GNG2: variants seen among roughly 807,000 people sequenced by gnomAD.
GNG2 encodes G protein subunit gamma 2.
GNG2 carries 5 observed loss-of-function variants against 5.5 expected under a neutral mutation model. The observed-to-expected ratio is 0.91, with a 90% CI of 0.48 to 1.92. The LOEUF is 1.92. Among genes scored for constraint, GNG2 ranks in the 30% most tolerant of loss-of-function variants. The probability of loss-of-function intolerance (pLI) is 0.01; values close to 1 mark genes in which losing one functional copy is unlikely to be tolerated. For synonymous variants in GNG2, 28 were observed against 32.0 expected (o/e 0.88, Z 0.42); for missense variants, 55 against 88.4 (o/e 0.62, Z 1.52).
chr14:51,899,497 A>G (rs1477839384), intron 2 of GNG2, among the ~76,000 whole-genome samples: 1 of 152,260 alleles, frequency 6.6e-6, no homozygotes, highest in Admixed American at 6.5e-5. Context: ...TTAAGACTAC[A>G]GTTCAGTGGC....
chr14:51,951,252 C>T (rs1370101174), intron 3 of GNG2, among the ~76,000 whole-genome samples: 1 of 152,188 alleles, frequency 6.6e-6, no homozygotes, highest in Non-Finnish European at 1.5e-5. Context: ...AAAGTCACAC[C>T]TTGCCTCCCT....
chr14:51,951,644 C>T (rs938044649), intron 3 of GNG2, among the ~76,000 whole-genome samples: 11 of 152,322 alleles, frequency 7.2e-5, no homozygotes, highest in Admixed American at 7.2e-4. Context: ...TTCCTATTTT[C>T]TCCATACCTA....
intron 2 of GNG2, among the ~76,000 whole-genome samples, chr14:51,831,728 A>G (rs1225942309): frequency 6.6e-6 from 1 of 152,228 alleles, no homozygotes; most frequent in African/African-American, 2.4e-5. Flanking sequence ...AAGCTCTACT[A>G]TAACTGAATT....
chr14:51,848,683 T>C (rs1311851217), intron 2 of GNG2, among the ~76,000 whole-genome samples: 3 of 152,156 alleles, frequency 2.0e-5, no homozygotes, highest in Non-Finnish European at 4.4e-5. Flanking sequence ...GAAGGGAGTA[T>C]TTACAGAGGT....
intron 3 of GNG2, among the ~76,000 whole-genome samples, chr14:51,955,818 AAAG>A (rs1020273946): frequency 3.9e-5 from 6 of 152,220 alleles, no homozygotes; most frequent in African/African-American, 1.4e-4. Flanking sequence ...TAACATATAA[AAAG>A]AACAGACTGA....
intron 1 of GNG2, among the ~76,000 whole-genome samples, chr14:51,876,175 G>C (rs1432731720): frequency 1.3e-5 from 2 of 152,104 alleles, no homozygotes; most frequent in African/African-American, 4.8e-5. Context: ...CTGGACACAA[G>C]TGTTCCTCCC....
rs115807091 is a variant in GNG2 at position 51,852,237 on chromosome 14, T to G, written c.64+24430T>G. On this transcript the variant is annotated intron_variant, in intron 2 of 3. Coordinates refer to the GNG2 transcript ENST00000553432. ...GCCATACTAACAGATACTATAGGAC[T>G]TTGTTAACATTTTAAAAATTAAAAA... 8.8e-3 allele frequency among the ~76,000 whole-genome samples: 1,340 copies of G among 152,330 alleles called. 23 individuals carry two copies. The highest frequency in any genetic ancestry group is 0.031 in the African/African-American group (1,277 of 41,566).
At chr14:51,896,116 T>C (rs1270831661) in intron 2 of GNG2, among the ~76,000 whole-genome samples, 1 of 152,218 alleles carries the variant, frequency 6.6e-6, no homozygotes, top group Admixed American at 6.5e-5. Flanking sequence ...AGAACAGGAA[T>C]TTCTTCACAC....
At chr14:51,848,892 C>T (rs1487460703) in intron 2 of GNG2, among the ~76,000 whole-genome samples, 1 of 152,180 alleles carries the variant, frequency 6.6e-6, no homozygotes, top group Non-Finnish European at 1.5e-5. Flanking sequence ...TTTCTACCCG[C>T]TGGTCTAACA....
intron 2 of GNG2, among the ~76,000 whole-genome samples, chr14:51,904,343 C>A (rs568732929): frequency 6.6e-6 from 1 of 152,168 alleles, no homozygotes; most frequent in African/African-American, 2.4e-5. Flanking sequence ...GCAAGGGAGC[C>A]TGGGAAATGA....
At chr14:51,876,806 G>A (rs947659488) in intron 1 of GNG2, among the ~76,000 whole-genome samples, 6 of 152,104 alleles carry the variant, frequency 3.9e-5, no homozygotes, top group African/African-American at 1.2e-4. Flanking sequence ...AACCCCTTGC[G>A]AATTTGAGTT....
At chr14:51,884,742 C>G (rs1884331005) in intron 2 of GNG2, among the ~76,000 whole-genome samples, 1 of 152,192 alleles carries the variant, frequency 6.6e-6, no homozygotes, top group Non-Finnish European at 1.5e-5. Flanking sequence ...TCCTAGTCTC[C>G]TCAGTGGCTA....
At chr14:51,827,109 G>A (rs888610668) in intron 1 of GNG2, among the ~76,000 whole-genome samples, 1 of 152,332 alleles carries the variant, frequency 6.6e-6, no homozygotes, top group African/African-American at 2.4e-5. Flanking sequence ...TTACCTGTAT[G>A]TAGAATAATC....
In GNG2 at chr14:51,852,148, C is replaced by T. The variant is rs548486401; in HGVS notation, c.64+24341C>T. Among the ~76,000 whole-genome samples, 4 of 152,226 alleles carry T rather than the reference C, an allele frequency of 2.6e-5. No homozygotes were observed. The South Asian group carries it at 8.3e-4, about 32-fold the overall frequency. On this transcript the variant is annotated intron_variant, in intron 2 of 3. Transcript: ENST00000553432. The stretch of plus-strand genomic sequence containing the variant: ...ATCAATGACCATAACTGATCTTGAG[C>T]CTGTAACTCACTCTTTTCATTGGAA...
chr14:51,864,931 A>G (rs190902801), intron 1 of GNG2, among the ~76,000 whole-genome samples: 33 of 152,266 alleles, frequency 2.2e-4, no homozygotes, highest in Non-Finnish European at 3.8e-4. Context: ...TTTTAAAAAT[A>G]ATGAATCCTC....
At chr14:51,942,571 C>CTCTTTCTTTCTTTCTTTCTTTCTTTCCT (rs1555356824) in intron 2 of GNG2, among the ~76,000 whole-genome samples, 1 of 55,646 alleles carries the variant, frequency 1.8e-5, no homozygotes, top group Non-Finnish European at 3.7e-5. Context: ...TTTATTTTTT[C>CTCTTTCTTTCTTTCTTTCTTTCTTTCCT]TCTTTCTTTC....
intron 2 of GNG2, among the ~76,000 whole-genome samples, chr14:51,838,947 C>A (rs1179389596): frequency 6.6e-6 from 1 of 152,100 alleles, no homozygotes; most frequent in Non-Finnish European, 1.5e-5. Context: ...ATAAGTGACC[C>A]CATAGTATGT....
At chr14:51,943,492 ACT>A (rs552859192) in intron 2 of GNG2, among the ~76,000 whole-genome samples, 10 of 152,076 alleles carry the variant, frequency 6.6e-5, no homozygotes, top group Non-Finnish European at 1.2e-4. Context: ...ATCTAATGGG[ACT>A]CTGTCAACCC....
intron 2 of GNG2, among the ~76,000 whole-genome samples, chr14:51,921,142 T>C (rs892161842): frequency 1.3e-5 from 2 of 152,158 alleles, no homozygotes; most frequent in Non-Finnish European, 2.9e-5. Context: ...GGGAACCAGA[T>C]TGTGAGGGTT....
Sources: allele counts gnomAD v4.1 joint callset (sites outside exome capture counted in the v4.1 genomes callset), GRCh38; gene constraint gnomAD v4.1.1; transcripts MANE v1.5; gene names NCBI Gene and HGNC (gene_info 2026-07-23, HGNC 2026-07-21).